The following ADAM2 variants were observed in gnomAD, a reference collection of about 807,000 sequenced individuals.
ADAM2 encodes disintegrin and metalloproteinase domain-containing protein 2.
In ADAM2, 101 loss-of-function variants were observed where a neutral mutation model predicts 99.3. The ratio of observed to expected loss-of-function variants is 1.02; its 90% confidence interval spans 0.87 to 1.20. ADAM2 has a LOEUF of 1.20. Ranked by LOEUF, ADAM2 falls within the 50% of genes most tolerant of loss-of-function variation. ADAM2 has a pLI of 0.00. For missense variants in ADAM2, 948 were observed against 878.7 expected, an observed-to-expected ratio of 1.08 and a Z score of -1.00; for synonymous variants, 323 against 287.6, an observed-to-expected ratio of 1.12 and a Z score of -1.25.
rs1234618296 is a variant in ADAM2 at position 39,761,087 on chromosome 8, A to G, written c.1613+89T>C. ...TGGTCTTACTTTATGTTCAGGGGAT[A>G]TTTTGCTTACATAAACTTAATTGTT... On this transcript the variant is annotated intron_variant, in intron 15 of 20. Coordinates refer to ENST00000265708, the MANE Select transcript of ADAM2 (RefSeq NM_001464.5). 4.3e-6 allele frequency: 3 copies of G among 692,548 alleles called. No individual in the cohort carries two copies. The African/African-American group carries it at 5.5e-5, about 13-fold the overall frequency. The allele number at this position is 692,548 out of a possible 1,614,324, so 42.9% of individuals were successfully genotyped here.
In ADAM2 at chr8:39,755,753, T is replaced by A. The variant is rs146789518; in HGVS notation, c.1772A>T (p.Asp591Val). 6.2e-7 allele frequency: 1 copy of A among 1,613,094 alleles called. No homozygotes were observed. Among genetic ancestry groups the A allele is most frequent in the African/African-American group, 1.3e-5 (1 of 75,000 alleles). The change falls in exon 16 of 21, where the codon GAT becomes GTT. Residue 591 changes from aspartate to valine, a missense_variant. Physicochemically the swap from Asp to Val is radical, Grantham distance 152. Transcript: ENST00000265708. ...HADSQKMWIKDGTSCGSNKVC... is the reference protein window; with the variant it reads ...HADSQKMWIKVGTSCGSNKVC... ...CTTATTTGAACCACAAGAAGTTCCA[T>A]CTTTTATCCACATCTTTTGGCTGTC...
At chr8:39,768,940 TA>T (rs765126950) in intron 12 of ADAM2, among the ~76,000 whole-genome samples, 1 of 152,178 alleles carries the variant, frequency 6.6e-6, no homozygotes, top group Non-Finnish European at 1.5e-5. Flanking sequence ...TGAACTTTGC[TA>T]AGAAGGTAGA....
At chr8:39,781,909 G>A (rs1453838369) in intron 10 of ADAM2, among the ~76,000 whole-genome samples, 2 of 152,122 alleles carry the variant, frequency 1.3e-5, no homozygotes, top group African/African-American at 4.8e-5. Context: ...CTGGAAAGAG[G>A]CCAGCGATAT....
intron 7 of ADAM2, among the ~76,000 whole-genome samples, chr8:39,803,327 A>G (rs1804293906): frequency 6.6e-6 from 1 of 152,200 alleles, no homozygotes; most frequent in Non-Finnish European, 1.5e-5. Flanking sequence ...TATTTGTAAG[A>G]TCTGGCCTTC....
chr8:39,827,208 G>C (rs1805445232), intron 3 of ADAM2, among the ~76,000 whole-genome samples: 1 of 152,076 alleles, frequency 6.6e-6, no homozygotes, highest in Non-Finnish European at 1.5e-5. Context: ...TGTTTGATTG[G>C]CTATTATCAA....
At chr8:39,748,242 C>A (rs2129582671) in intron 18 of ADAM2, among the ~76,000 whole-genome samples, 1 of 152,174 alleles carries the variant, frequency 6.6e-6, no homozygotes, top group East Asian at 1.9e-4. Flanking sequence ...CCACGAGAGT[C>A]CTAGAATGTT....
intron 7 of ADAM2, among the ~76,000 whole-genome samples, chr8:39,808,901 GT>G (rs1386139147): frequency 6.6e-6 from 1 of 152,086 alleles, no homozygotes; most frequent in Non-Finnish European, 1.5e-5. Context: ...GTGGGACAGA[GT>G]GAGACTCCAT....
At chr8:39,816,759 C>T (rs1422202223) in intron 6 of ADAM2, among the ~76,000 whole-genome samples, 4 of 152,068 alleles carry the variant, frequency 2.6e-5, no homozygotes, top group African/African-American at 9.7e-5. Flanking sequence ...TGTAGTTTCC[C>T]GGGAAGACAG....
At chr8:39,827,941 A>T (rs993397841) in intron 3 of ADAM2, among the ~76,000 whole-genome samples, 1 of 152,072 alleles carries the variant, frequency 6.6e-6, no homozygotes, top group African/African-American at 2.4e-5. Context: ...TTCACAATGT[A>T]TACATATCTA....
At chr8:39,833,323 G>A (rs1001171670) in intron 3 of ADAM2, among the ~76,000 whole-genome samples, 9 of 151,960 alleles carry the variant, frequency 5.9e-5, no homozygotes, top group South Asian at 4.1e-4. Context: ...ATATGGATGC[G>A]TTTTTGATTT....
intron 3 of ADAM2, among the ~76,000 whole-genome samples, chr8:39,827,167 T>C (rs1805443902): frequency 6.6e-6 from 1 of 151,924 alleles, no homozygotes; most frequent in African/African-American, 2.4e-5. Context: ...AAAAAGTATA[T>C]CAAAACCACC....
At chr8:39,754,476 ATT>A (rs1335538483) in intron 16 of ADAM2, among the ~76,000 whole-genome samples, 1 of 152,218 alleles carries the variant, frequency 6.6e-6, no homozygotes, top group Non-Finnish European at 1.5e-5. Context: ...ATTTTAGCCT[ATT>A]TAGAAACAAT....
intron 3 of ADAM2, among the ~76,000 whole-genome samples, chr8:39,826,134 C>G (rs952178482): frequency 6.6e-6 from 1 of 152,078 alleles, no homozygotes; most frequent in Non-Finnish European, 1.5e-5. Flanking sequence ...ATAGCCAAAA[C>G]GAGCTTGACC....
rs764018305 is a variant in ADAM2 at position 39,788,119 on chromosome 8, CAAGAT to C, written c.770_774del (p.Tyr257CysfsTer6). 1 of 1,559,754 alleles carries C rather than the reference CAAGAT, an allele frequency of 6.4e-7. No homozygotes were observed. Among genetic ancestry groups the C allele is most frequent in the Non-Finnish European group, 8.6e-7 (1 of 1,156,078 alleles). On this transcript the variant is annotated frameshift_variant, in exon 9 of 21. Transcript: ENST00000265708. LOFTEE classifies it high-confidence loss of function. ...AATGCCACATCATGAGGACGTAAAA[CAAGAT>C]AAGATGTTTTCCATCTTAAAAATGT...
intron 19 of ADAM2, among the ~76,000 whole-genome samples, chr8:39,745,388 A>AT (rs1357051364): frequency 6.6e-6 from 1 of 152,144 alleles, no homozygotes; most frequent in Non-Finnish European, 1.5e-5. Flanking sequence ...TTTAAAATAT[A>AT]TTCCATTTTC....
chr8:39,783,744 G>A (rs1299796682), intron 10 of ADAM2, among the ~76,000 whole-genome samples: 4 of 152,072 alleles, frequency 2.6e-5, no homozygotes, highest in Admixed American at 2.0e-4. Flanking sequence ...AAGGTCAGGA[G>A]ATCGAGACCA....
At chr8:39,832,919 A>G (rs942083828) in intron 3 of ADAM2, among the ~76,000 whole-genome samples, 17 of 152,158 alleles carry the variant, frequency 1.1e-4, no homozygotes, top group African/African-American at 3.9e-4. Context: ...TTTCTAATAG[A>G]AAAAAGCTTA....
Position 39,806,256 on chromosome 8 carries a change from G to A in ADAM2, c.570+3154C>T, listed in dbSNP as rs1317185355. 9.2e-5 allele frequency among the ~76,000 whole-genome samples: 14 copies of A among 151,478 alleles called. 1 individual carries two copies. Among genetic ancestry groups the A allele is most frequent in the South Asian group, 8.3e-4 (4 of 4,806 alleles). ...GAATCCAGGCTCAAAAAATGAAAAC[G>A]GGAATTGAAAAAAAAAATGCAAAGA... On this transcript the variant is annotated intron_variant, in intron 7 of 20. Coordinates refer to ENST00000265708, the MANE Select transcript of ADAM2 (RefSeq NM_001464.5).
At chr8:39,834,678 T>G (rs1185804880) in intron 2 of ADAM2, among the ~76,000 whole-genome samples, 1 of 125,636 alleles carries the variant, frequency 8.0e-6, no homozygotes, top group African/African-American at 3.2e-5. Context: ...GAGGTTGCAG[T>G]GAGCCAAGAT....
Sources: allele counts gnomAD v4.1 joint callset (sites outside exome capture counted in the v4.1 genomes callset), GRCh38; gene constraint gnomAD v4.1.1; transcripts MANE v1.5; gene names NCBI Gene and HGNC (gene_info 2026-07-23, HGNC 2026-07-21).